OSER1: variants seen among roughly 807,000 people sequenced by gnomAD.
OSER1 encodes the protein oxidative stress-responsive serine-rich protein 1.
In OSER1, 15 loss-of-function variants were observed where a neutral mutation model predicts 26.3. The observed-to-expected ratio is 0.57, with a 90% CI of 0.38 to 0.88. The LOEUF (loss-of-function observed/expected upper bound fraction) is 0.88. Among genes scored for constraint, OSER1 ranks in the 40% least tolerant of loss-of-function variants. The pLI is 0.00. For synonymous variants in OSER1, 127 were observed against 128.2 expected (o/e 0.99, Z 0.07); for missense variants, 313 against 353.9 (o/e 0.88, Z 0.93).
chr20:44,202,893 A>G, intron 3 of OSER1, 68 bp downstream of exon 3: 2 of 856,184 alleles, frequency 2.3e-6, no homozygotes, highest in Admixed American at 2.0e-5. Flanking sequence ...TTTTCTGGAC[A>G]CTCAGAAAGG....
At chr20:44,210,463 C>A (rs1341828910) in intron 1 of OSER1, among the ~76,000 whole-genome samples, 1 of 151,982 alleles carries the variant, frequency 6.6e-6, no homozygotes, top group African/African-American at 2.4e-5. Flanking sequence ...CGGGGGACCG[C>A]GGGAGGACGG....
chr20:44,204,222 C>T (rs2073017016), intron 2 of OSER1, among the ~76,000 whole-genome samples: 1 of 152,074 alleles, frequency 6.6e-6, no homozygotes, highest in African/African-American at 2.4e-5. Context: ...CCTAATAAGA[C>T]AAATACCACT....
At chr20:44,204,697 G>A (rs1050860347) in intron 2 of OSER1, among the ~76,000 whole-genome samples, 1 of 152,080 alleles carries the variant, frequency 6.6e-6, no homozygotes, top group African/African-American at 2.4e-5. Flanking sequence ...CCATGTCCAC[G>A]TGTGTTCAAT....
chr20:44,206,871 A>T lies in OSER1; in HGVS notation c.77+10T>A. 1 of 1,053,722 alleles carries T rather than the reference A, an allele frequency of 9.5e-7. No homozygotes were observed. The highest frequency in any genetic ancestry group is 1.3e-5 in the South Asian group (1 of 78,120). The allele number at this position is 1,053,722 out of a possible 1,614,324, so 65.3% of individuals were successfully genotyped here. On this transcript the variant is annotated intron_variant, in intron 2 of 3. Coordinates refer to ENST00000255174, the MANE Select transcript of OSER1 (RefSeq NM_016470.8). ...AATAATTCCAAATAATATATTACAT[A>T]TTTAATTACCCTGATGCATCCACTC...
intron 1 of OSER1, among the ~76,000 whole-genome samples, 154 bp downstream of exon 1, chr20:44,210,542 G>A (rs540414013): frequency 7.2e-5 from 11 of 152,322 alleles, no homozygotes; most frequent in Middle Eastern, 3.4e-3. Context: ...AGATAAGGGG[G>A]CGCGGAGAGG....
Position 44,197,319 on chromosome 20 carries a change from G to A in OSER1, c.612C>T (p.Cys204=). The part of the protein sequence containing the change: ...GKPCTCIGKE[C]QCKRWHDMEV... ...CCATATCATGCCATCTCTTACACTG[G>A]CATTCCTTGCCTATGCATGTGCATG... The change falls in exon 4 of 4, where the codon TGC becomes TGT. Residue 204 remains cysteine, a synonymous_variant. Coordinates refer to ENST00000255174, the MANE Select transcript of OSER1 (RefSeq NM_016470.8). 2.5e-6 allele frequency: 4 copies of A among 1,614,146 alleles called. No individual in the cohort carries two copies. Among genetic ancestry groups the A allele is most frequent in the Non-Finnish European group, 3.4e-6 (4 of 1,179,982 alleles).
At chr20:44,209,292 T>A (rs1171232911) in intron 1 of OSER1, among the ~76,000 whole-genome samples, 1 of 152,244 alleles carries the variant, frequency 6.6e-6, no homozygotes, top group Non-Finnish European at 1.5e-5. Flanking sequence ...TAAACCATTT[T>A]CAGACTTCCA....
At position 44,208,496 on chromosome 20, in the gene OSER1, C is replaced by T. The variant is rs548389804; in HGVS notation, c.-41-1498G>A. Among the ~76,000 whole-genome samples the T allele has an allele frequency of 9.4e-4, 143 of 151,472 alleles. No individual in the cohort carries two copies. The Middle Eastern group carries it at 0.01, about 11-fold the overall frequency. The stretch of plus-strand genomic sequence containing the variant: ...CAAAAAAATAATTTAGATACATTCT[C>T]GACGTATATTTTGCTGGTTTATTTA... On this transcript the variant is annotated intron_variant, in intron 1 of 3. Transcript: ENST00000255174.
intron 2 of OSER1, among the ~76,000 whole-genome samples, chr20:44,204,334 A>G (rs1260134721): frequency 1.3e-5 from 2 of 152,224 alleles, no homozygotes; most frequent in African/African-American, 2.4e-5. Flanking sequence ...GCAACAATAT[A>G]AAACAACTAG....
chr20:44,207,964 C>A (rs774340765), intron 1 of OSER1, among the ~76,000 whole-genome samples: 46 of 152,030 alleles, frequency 3.0e-4, no homozygotes, highest in Admixed American at 1.2e-3. Context: ...GTTATTAGTA[C>A]CAAATTTTGA....
In OSER1 at chr20:44,197,525, T is replaced by G; in HGVS notation, c.406A>C (p.Thr136Pro). The change falls in exon 4 of 4, where the codon ACT becomes CCT. Residue 136 changes from threonine to proline, a missense_variant. Thr to Pro is a conservative substitution (Grantham distance 38). This residue lies in a region of OSER1 where 300 missense variants were observed against 318.3 expected (regional missense o/e 0.94). Coordinates refer to ENST00000255174, the MANE Select transcript of OSER1 (RefSeq NM_016470.8). The part of the protein sequence containing the change: ...PKEFSAGESS[T>P]SLDANHTGAV... ...CCTGTGTGATTAGCATCGAGAGAAG[T>G]AGAGCTTTCTCCTGCACTGAACTCT... 1.9e-6 allele frequency: 3 copies of G among 1,614,088 alleles called. No homozygotes were observed. The highest frequency in any genetic ancestry group is 2.5e-6 in the Non-Finnish European group (3 of 1,179,952).
Position 44,199,552 on chromosome 20 carries a change from A to AT in OSER1, c.192-1814_192-1813insA, listed in dbSNP as rs199656849. Among the ~76,000 whole-genome samples the AT allele has an allele frequency of 5.5e-3, 835 of 152,348 alleles. 11 individuals are homozygous for AT. The highest frequency in any genetic ancestry group is 0.019 in the African/African-American group (789 of 41,578). ...AACTAAGACAGCTTTCTTTAAGTAA[A>AT]AAGGTGAAAGTTCTTGACTTAATAA... On this transcript the variant is annotated intron_variant, in intron 3 of 3. Coordinates refer to ENST00000255174, the MANE Select transcript of OSER1 (RefSeq NM_016470.8).
chr20:44,196,904 A>C lies in OSER1; in HGVS notation c.*148T>G. 1.7e-6 allele frequency: 1 copy of C among 605,746 alleles called. No homozygotes were observed. Among genetic ancestry groups the C allele is most frequent in the Non-Finnish European group, 2.9e-6 (1 of 340,096 alleles). 37.5% of individuals were successfully genotyped at this position (605,746 alleles called of 1,614,324 possible). On this transcript the variant is annotated 3_prime_UTR_variant, in exon 4 of 4. Coordinates refer to ENST00000255174, the MANE Select transcript of OSER1 (RefSeq NM_016470.8). The stretch of plus-strand genomic sequence containing the variant: ...AGAGTAAGTTGAAAGAATGAAGATT[A>C]ACTGAGATGCCAAGAAAAGTTTTTA...
chr20:44,201,466 A>G (rs1037370268), intron 3 of OSER1, among the ~76,000 whole-genome samples: 2 of 152,222 alleles, frequency 1.3e-5, no homozygotes, highest in Admixed American at 6.5e-5. Flanking sequence ...TACTAATAAT[A>G]AACCTTCACT....
rs56251501 is a variant in OSER1 at position 44,196,294 on chromosome 20, C to CAAAAAAA, written c.*751_*757dup. 1.0e-5 allele frequency among the ~76,000 whole-genome samples: 1 copy of CAAAAAAA among 100,450 alleles called. No individual in the cohort carries two copies. The allele number at this position is 100,450 out of a possible 152,430, so 65.9% of individuals were successfully genotyped here. ...ATGAGACCTGTATTACAACTGATAA[C>CAAAAAAA]AAAAAAAAAAAAAAAAAACCGCCAT... On this transcript the variant is annotated 3_prime_UTR_variant, in exon 4 of 4. Coordinates refer to ENST00000255174, the MANE Select transcript of OSER1 (RefSeq NM_016470.8).
chr20:44,197,005 T>C lies in OSER1; in HGVS notation c.*47A>G, dbSNP rs767100617. 4 of 1,371,474 alleles carry C rather than the reference T, an allele frequency of 2.9e-6. No homozygotes were observed. In the African/African-American group the frequency reaches 4.3e-5, roughly 15 times the overall value. The allele number at this position is 1,371,474 out of a possible 1,614,324, so 85.0% of individuals were successfully genotyped here. On this transcript the variant is annotated 3_prime_UTR_variant, in exon 4 of 4. Transcript: ENST00000255174. ...AAGGTCTGCCATTAACTAAATCTCT[T>C]TGACAAGCCTTCATTGGTTTAAAGC...
intron 3 of OSER1, among the ~76,000 whole-genome samples, chr20:44,202,746 C>T (rs2072996174): frequency 6.6e-6 from 1 of 152,136 alleles, no homozygotes; most frequent in Non-Finnish European, 1.5e-5. Context: ...AAGTCCCAAT[C>T]TTCTCAAACA....
intron 2 of OSER1, among the ~76,000 whole-genome samples, chr20:44,205,666 C>T (rs1007012991): frequency 3.3e-5 from 5 of 151,876 alleles, no homozygotes; most frequent in Admixed American, 6.6e-5. Flanking sequence ...CTGGGCCAGA[C>T]GCAGTGGCTC....
intron 1 of OSER1, among the ~76,000 whole-genome samples, chr20:44,210,346 G>C (rs1250852178): frequency 6.6e-6 from 1 of 152,224 alleles, no homozygotes; most frequent in Non-Finnish European, 1.5e-5. Flanking sequence ...AAAGAGAATG[G>C]GGCTCCGAGG....
Sources: allele counts gnomAD v4.1 joint callset (sites outside exome capture counted in the v4.1 genomes callset), GRCh38; gene constraint gnomAD v4.1.1; regional missense constraint gnomAD v4.1.1; transcripts MANE v1.5; gene names NCBI Gene and HGNC (gene_info 2026-07-23, HGNC 2026-07-21).